FRMD3: variants seen among roughly 807,000 people sequenced by gnomAD.
The protein encoded by FRMD3 is FERM domain-containing protein 3.
Under a neutral mutation model 70.2 loss-of-function variants are expected in FRMD3, and 33 were observed. That is an observed-to-expected ratio of 0.47 (90% CI 0.36 to 0.63). The LOEUF is 0.63. Ranked by LOEUF, FRMD3 falls within the 20% of genes least tolerant of loss-of-function variation. The pLI, the probability that FRMD3 is intolerant of heterozygous loss-of-function variation, is 0.00. For missense variants in FRMD3, 632 were observed against 711.4 expected (o/e 0.89, Z 1.27); for synonymous variants, 279 against 255.9 (o/e 1.09, Z -0.86).
intron 1 of FRMD3, among the ~76,000 whole-genome samples, chr9:83,458,000 CAAAAAAAA>C (rs10555580): frequency 3.4e-5 from 3 of 87,952 alleles, no homozygotes; most frequent in Non-Finnish European, 4.4e-5. Context: ...TATTACCTCT[CAAAAAAAA>C]AAAAAAAAAA....
chr9:83,400,284 A>G (rs1825917642), intron 1 of FRMD3, among the ~76,000 whole-genome samples: 1 of 152,220 alleles, frequency 6.6e-6, no homozygotes, highest in Non-Finnish European at 1.5e-5. Context: ...TTAAAAACAA[A>G]AGACCATTTA....
intron 1 of FRMD3, among the ~76,000 whole-genome samples, chr9:83,475,985 C>T (rs1828386811): frequency 6.6e-6 from 1 of 152,190 alleles, no homozygotes; most frequent in Admixed American, 6.5e-5. Context: ...ATTTATTCAA[C>T]TTAGTCACCT....
intron 1 of FRMD3, among the ~76,000 whole-genome samples, chr9:83,450,808 G>A (rs770198853): frequency 1.2e-4 from 18 of 152,194 alleles, no homozygotes; most frequent in Non-Finnish European, 2.1e-4. Flanking sequence ...CAGAGTAGCA[G>A]CGGGGACACC....
At chr9:83,504,594 A>C (rs1829142217) in intron 1 of FRMD3, among the ~76,000 whole-genome samples, 1 of 88,508 alleles carries the variant, frequency 1.1e-5, no homozygotes, top group African/African-American at 4.7e-5. Flanking sequence ...TATTCATTTG[A>C]CTTCCCCCCC....
chr9:83,387,518 A>G (rs1424283299), intron 2 of FRMD3, among the ~76,000 whole-genome samples: 1 of 152,214 alleles, frequency 6.6e-6, no homozygotes, highest in Non-Finnish European at 1.5e-5. Context: ...AGTAGCTAGA[A>G]TTACGTCTGC....
intron 13 of FRMD3, among the ~76,000 whole-genome samples, chr9:83,253,305 A>C (rs2118574932): frequency 6.6e-6 from 1 of 152,326 alleles, no homozygotes; most frequent in Non-Finnish European, 1.5e-5. Context: ...GAAATCAAGA[A>C]GTTCTTTGAA....
intron 13 of FRMD3, chr9:83,275,923 T>G (rs1181800849): frequency 2.0e-5 from 3 of 152,250 alleles, no homozygotes; most frequent in African/African-American, 7.2e-5. Flanking sequence ...TCTCTTGTAG[T>G]ATAATTTAAA....
chr9:83,566,677 G>C, the FRMD3 span, among the ~76,000 whole-genome samples: 27 of 152,322 alleles, frequency 1.8e-4, no homozygotes, highest in East Asian at 1.4e-3. Flanking sequence ...AAGGGCTACA[G>C]GGCCCAAGCA....
intron 1 of FRMD3, among the ~76,000 whole-genome samples, chr9:83,416,632 C>T (rs951152963): frequency 1.1e-4 from 16 of 152,274 alleles, no homozygotes; most frequent in Admixed American, 9.2e-4. Context: ...TTTGACTTCT[C>T]CATTGGGACC....
intron 5 of FRMD3, among the ~76,000 whole-genome samples, chr9:83,339,389 GT>G (rs1823682833): frequency 1.3e-5 from 2 of 152,194 alleles, no homozygotes; most frequent in African/African-American, 4.8e-5. Flanking sequence ...TGACTTGGAA[GT>G]TGAAGTCGTG....
the FRMD3 span, among the ~76,000 whole-genome samples, chr9:83,569,225 C>T: frequency 6.6e-6 from 1 of 152,294 alleles, no homozygotes; most frequent in South Asian, 2.1e-4. Context: ...AGGTACGATA[C>T]TCTGCTAAAG....
At chr9:83,554,336 C>G in the FRMD3 span, among the ~76,000 whole-genome samples, 2 of 152,206 alleles carry the variant, frequency 1.3e-5, no homozygotes, top group African/African-American at 4.8e-5. Flanking sequence ...CGGCTGCTCA[C>G]TGCAGCTCTG....
At chr9:83,576,732 T>C in the FRMD3 span, among the ~76,000 whole-genome samples, 1 of 152,046 alleles carries the variant, frequency 6.6e-6, no homozygotes, top group Non-Finnish European at 1.5e-5. Context: ...TTTAACATTG[T>C]ACAGGAGTTT....
rs116359538 is a variant in FRMD3 at position 83,402,766 on chromosome 9, T to C, written c.148-13058A>G. ...GAAAAGAAATTCAAATCTTCATTAT[T>C]AGTTTTCAAGAAACATTAAAGAGAG... On this transcript the variant is annotated intron_variant, in intron 1 of 13. Coordinates refer to ENST00000304195, the MANE Select transcript of FRMD3 (RefSeq NM_174938.6). Among the ~76,000 whole-genome samples the C allele has an allele frequency of 3.0e-3, 454 of 152,234 alleles. 1 individual carries two copies. The highest frequency in any genetic ancestry group is 0.01 in the African/African-American group (430 of 41,536).
chr9:83,342,692 TTAGATAGA>T (rs71498046), intron 5 of FRMD3, among the ~76,000 whole-genome samples: 3,954 of 146,976 alleles, frequency 0.027, 64 homozygotes, highest in South Asian at 0.052. Context: ...GATGGATAGA[TTAGATAGA>T]TAGATAGATA....
At chr9:83,415,352 T>C (rs1826401456) in intron 1 of FRMD3, among the ~76,000 whole-genome samples, 1 of 152,034 alleles carries the variant, frequency 6.6e-6, no homozygotes. Flanking sequence ...GCAAGCTGCC[T>C]GGAATCCCTT....
At chr9:83,338,609 G>C (rs1823655466) in intron 5 of FRMD3, among the ~76,000 whole-genome samples, 1 of 152,106 alleles carries the variant, frequency 6.6e-6, no homozygotes, top group African/African-American at 2.4e-5. Context: ...TGTTCTGAGC[G>C]TAAGAAGGAG....
intron 1 of FRMD3, among the ~76,000 whole-genome samples, chr9:83,526,670 C>A (rs958966619): frequency 2.0e-5 from 3 of 152,182 alleles, no homozygotes; most frequent in Admixed American, 6.5e-5. Context: ...TCTTTTCTAT[C>A]TTCCCCCAAC....
At chr9:83,406,488 T>C (rs1826107789) in intron 1 of FRMD3, among the ~76,000 whole-genome samples, 1 of 152,204 alleles carries the variant, frequency 6.6e-6, no homozygotes, top group Admixed American at 6.5e-5. Flanking sequence ...GCTAGGGCTC[T>C]TAGGATGGAG....
Sources: allele counts gnomAD v4.1 joint callset (sites outside exome capture counted in the v4.1 genomes callset), GRCh38; gene constraint gnomAD v4.1.1; transcripts MANE v1.5; gene names NCBI Gene and HGNC (gene_info 2026-07-23, HGNC 2026-07-21).